CHRM5: variants seen among roughly 807,000 people sequenced by gnomAD.
The protein encoded by CHRM5 is muscarinic acetylcholine receptor M5.
In CHRM5, 18 loss-of-function variants were observed where a neutral mutation model predicts 39.0. That is an observed-to-expected ratio of 0.46 (90% confidence interval 0.32 to 0.68). The LOEUF (loss-of-function observed/expected upper bound fraction) is 0.68, where lower values mean the gene tolerates loss of function less well. Among genes scored for constraint, CHRM5 ranks in the 30% least tolerant of loss-of-function variants. CHRM5 has a pLI of 0.04. For synonymous variants in CHRM5, 241 were observed against 246.3 expected, an observed-to-expected ratio of 0.98 and a Z score of 0.20; for missense variants, 515 against 651.1, an observed-to-expected ratio of 0.79 and a Z score of 2.28.
chr15:33,976,556 C>T (rs896914433), intron 1 of CHRM5, among the ~76,000 whole-genome samples: 2 of 152,170 alleles, frequency 1.3e-5, no homozygotes, highest in African/African-American at 2.4e-5. Flanking sequence ...GTAGACAACA[C>T]ACTTTTATTC....
At chr15:34,059,016 C>T (rs745819650) in intron 2 of CHRM5, among the ~76,000 whole-genome samples, 2 of 152,194 alleles carry the variant, frequency 1.3e-5, no homozygotes, top group African/African-American at 4.8e-5. Flanking sequence ...CCTGCCTCAA[C>T]CTCCCAAGTA....
chr15:33,984,844 T>C (rs1896354212), intron 1 of CHRM5, among the ~76,000 whole-genome samples: 1 of 152,068 alleles, frequency 6.6e-6, no homozygotes, highest in South Asian at 2.1e-4. Flanking sequence ...TAACCACAAA[T>C]AACAGTTCAT....
At chr15:34,049,118 T>C (rs1229244953) in intron 2 of CHRM5, among the ~76,000 whole-genome samples, 1 of 152,160 alleles carries the variant, frequency 6.6e-6, no homozygotes, top group African/African-American at 2.4e-5. Flanking sequence ...ACAAAAATGC[T>C]GAAAACTCAA....
chr15:34,063,969 C>T lies in CHRM5; in HGVS notation c.1252C>T (p.Leu418Phe). ...PVAKEPSTKG[L>F]NPNPSHQMTK... is the part of the protein sequence containing the mutation. ...GGCCAAGGAACCTTCAACGAAAGGC[C>T]TCAATCCCAACCCCAGCCATCAAAT... Residue 418 changes from leucine to phenylalanine, a missense_variant, in exon 3 of 3, where the codon CTC (leucine) becomes TTC (phenylalanine). By Grantham distance (22) the Leu-to-Phe change is conservative. Coordinates refer to ENST00000383263, the MANE Select transcript of CHRM5 (RefSeq NM_012125.4). The surrounding 1 kb of genome is among the most constrained non-coding windows in gnomAD (Gnocchi z 4.1). 4 of 1,614,182 alleles carry T rather than the reference C, an allele frequency of 2.5e-6. No individual in the cohort carries two copies. Among genetic ancestry groups the T allele is most frequent in the Non-Finnish European group, 3.4e-6 (4 of 1,180,044 alleles).
intron 1 of CHRM5, among the ~76,000 whole-genome samples, chr15:34,036,976 G>T (rs1899159518): frequency 6.6e-6 from 1 of 152,042 alleles, no homozygotes; most frequent in Admixed American, 6.6e-5. Flanking sequence ...GGGCAAGGTG[G>T]CTCATGCCTG....
At position 34,062,846 on chromosome 15, in the gene CHRM5, C is replaced by A. The variant is rs1470231970; in HGVS notation, c.129C>A (p.Ile43=). The stretch of plus-strand genomic sequence containing the variant: ...CTGTGACTGCTGTGGTAAGCCTGAT[C>A]ACCATTGTGGGCAATGTCTTGGTCA... ...IAAVTAVVSL[I]TIVGNVLVMI... The change falls in exon 3 of 3, where the codon ATC becomes ATA. Residue 43 remains isoleucine (I), a synonymous_variant. Coordinates refer to ENST00000383263, the MANE Select transcript of CHRM5 (RefSeq NM_012125.4). The A allele has an allele frequency of 4.3e-6, 7 of 1,614,106 alleles. No individual in the cohort carries two copies. The highest frequency in any genetic ancestry group is 1.7e-5 in the Admixed American group (1 of 60,010).
At chr15:33,983,966 A>T (rs1896309184) in intron 1 of CHRM5, among the ~76,000 whole-genome samples, 1 of 152,016 alleles carries the variant, frequency 6.6e-6, no homozygotes. Flanking sequence ...AAATTAAGGG[A>T]CATTCTACAA....
At chr15:34,038,547 C>CA (rs1899268093) in intron 1 of CHRM5, among the ~76,000 whole-genome samples, 1 of 152,152 alleles carries the variant, frequency 6.6e-6, no homozygotes, top group African/African-American at 2.4e-5. Flanking sequence ...CTCCTACCCC[C>CA]ACTGTCTCGC....
intron 1 of CHRM5, among the ~76,000 whole-genome samples, chr15:33,993,393 C>T (rs577849298): frequency 2.0e-4 from 31 of 152,250 alleles, no homozygotes; most frequent in Admixed American, 1.8e-3. Flanking sequence ...ACAACCGTCC[C>T]CTTTCCCATA....
chr15:34,052,584 A>G (rs1361486527), intron 2 of CHRM5, among the ~76,000 whole-genome samples: 1 of 152,242 alleles, frequency 6.6e-6, no homozygotes, highest in African/African-American at 2.4e-5. Flanking sequence ...ATATAATTCT[A>G]TGTCCAGAAA....
At chr15:33,992,990 T>C (rs1010444214) in intron 1 of CHRM5, among the ~76,000 whole-genome samples, 4 of 152,244 alleles carry the variant, frequency 2.6e-5, no homozygotes, top group African/African-American at 4.8e-5. Context: ...TCTCTAAAAA[T>C]AGTGTTTACA....
intron 1 of CHRM5, chr15:34,006,960 G>A: frequency 3.4e-6 from 2 of 590,836 alleles, no homozygotes. Context: ...CAGAAAACAA[G>A]GTGAAAACTA....
chr15:34,047,357 G>A (rs966746043), intron 2 of CHRM5, among the ~76,000 whole-genome samples: 18 of 152,118 alleles, frequency 1.2e-4, no homozygotes, highest in Admixed American at 1.1e-3. Context: ...GATTACAGGC[G>A]TGAGCCACCG....
At chr15:34,052,247 C>T (rs1047542899) in intron 2 of CHRM5, among the ~76,000 whole-genome samples, 1 of 151,864 alleles carries the variant, frequency 6.6e-6, no homozygotes, top group Admixed American at 6.6e-5. Context: ...AGAAAAAAAA[C>T]CACATGATTA....
Position 34,067,283 on chromosome 15 carries a change from T to C in CHRM5, c.*2967T>C, listed in dbSNP as rs1900536959. On this transcript the variant is annotated 3_prime_UTR_variant, in exon 3 of 3. Coordinates refer to ENST00000383263, the MANE Select transcript of CHRM5 (RefSeq NM_012125.4). ...GCTTCGCTCCTTTGGTGAATGTCCT[T>C]TGAAGACAATACTGATGCCAGCTCT... 6.6e-6 allele frequency: 1 copy of C among 152,230 alleles called. No individual in the cohort carries two copies. Among genetic ancestry groups the C allele is most frequent in the African/African-American group, 2.4e-5 (1 of 41,460 alleles). The allele number at this position is 152,230 out of a possible 1,614,324, so 9.4% of individuals were successfully genotyped here. A position where few individuals can be genotyped will look rare whatever the true frequency, so the allele number is the denominator to read the frequency against.
intron 1 of CHRM5, among the ~76,000 whole-genome samples, chr15:34,013,257 T>G (rs532620996): frequency 1.3e-5 from 2 of 152,298 alleles, no homozygotes; most frequent in African/African-American, 4.8e-5. Context: ...AGGTGGGGTT[T>G]CACCATGTTG....
At chr15:33,977,894 G>A (rs1173874021) in intron 1 of CHRM5, among the ~76,000 whole-genome samples, 4 of 151,626 alleles carry the variant, frequency 2.6e-5, no homozygotes, top group Non-Finnish European at 2.9e-5. Context: ...CTGTGAACAC[G>A]CCACTGCACT....
rs369391377 is a variant in CHRM5 at position 33,986,824 on chromosome 15, T to C, written c.-408+17674T>C. Among the ~76,000 whole-genome samples the C allele has an allele frequency of 3.9e-5, 6 of 151,980 alleles. No individual in the cohort carries two copies. The South Asian group carries it at 1.0e-3, about 26-fold the overall frequency. On this transcript the variant is annotated intron_variant, in intron 1 of 2. Coordinates refer to ENST00000383263, the MANE Select transcript of CHRM5 (RefSeq NM_012125.4). ...GGCACGTGCCACCATGCCCAGCTAA[T>C]TGTTTTGTATTTTTAGTAGAGATGG...
intron 1 of CHRM5, among the ~76,000 whole-genome samples, chr15:34,008,951 C>T (rs1363561100): frequency 0.018 from 2,205 of 123,910 alleles, 65 homozygotes; most frequent in African/African-American, 0.077. Context: ...CACGTGCGCG[C>T]GCGCACACAC....
Sources: allele counts gnomAD v4.1 joint callset (sites outside exome capture counted in the v4.1 genomes callset), GRCh38; gene constraint gnomAD v4.1.1; non-coding constraint Gnocchi (gnomAD v3.1); transcripts MANE v1.5; gene names NCBI Gene and HGNC (gene_info 2026-07-23, HGNC 2026-07-21).